SEMA3A: variants seen among roughly 807,000 people sequenced by gnomAD.
SEMA3A encodes semaphorin 3A.
Under a neutral mutation model 97.9 loss-of-function variants are expected in SEMA3A, and 29 were observed. The ratio of observed to expected loss-of-function variants is 0.30; its 90% CI spans 0.22 to 0.40. The LOEUF (loss-of-function observed/expected upper bound fraction) is 0.40. Ranked by LOEUF, SEMA3A falls within the 10% of genes least tolerant of loss-of-function variation. SEMA3A has a pLI of 1.00. For synonymous variants in SEMA3A, 321 were observed against 323.7 expected, an observed-to-expected ratio of 0.99 and a Z score of 0.09; for missense variants, 763 against 951.3, an observed-to-expected ratio of 0.80 and a Z score of 2.60.
intron 1 of SEMA3A, among the ~76,000 whole-genome samples, chr7:84,382,646 C>T (rs1803293274): frequency 7.3e-6 from 1 of 137,116 alleles, no homozygotes; most frequent in Non-Finnish European, 1.5e-5. Context: ...ATCATGAGGT[C>T]AGGAGATCGA....
intron 3 of SEMA3A, among the ~76,000 whole-genome samples, chr7:84,298,284 T>C (rs1425964711): frequency 2.0e-5 from 3 of 152,158 alleles, no homozygotes; most frequent in Admixed American, 2.0e-4. Context: ...ATAATATGAA[T>C]TCTAATGAAA....
intron 11 of SEMA3A, 77 bp from the exon 12 acceptor site, chr7:84,002,123 A>G (rs1790479799): frequency 2.5e-6 from 2 of 815,288 alleles, no homozygotes; most frequent in East Asian, 5.3e-5. Flanking sequence ...TGAAATATGT[A>G]TTTGTCAGAC....
chr7:84,453,904 C>A (rs1426635976), intron 1 of SEMA3A, among the ~76,000 whole-genome samples: 1 of 151,910 alleles, frequency 6.6e-6, no homozygotes, highest in African/African-American at 2.4e-5. Context: ...GAAAGTAATA[C>A]CTAAACTTAT....
chr7:84,150,709 T>A (rs868547507), intron 1 of SEMA3A, among the ~76,000 whole-genome samples: 46 of 152,000 alleles, frequency 3.0e-4, no homozygotes, highest in African/African-American at 9.7e-4. Context: ...ACAAAGCAGC[T>A]GGGAAGCTGG....
Position 84,313,415 on chromosome 7 carries a change from G to T in SEMA3A, c.-168-6123C>A, listed in dbSNP as rs113010185. ...ATATATATATATATATAAACTATAC[G>T]TGACTCCTGATAAGAGAGTCTTTCT... On this transcript the variant is annotated intron_variant, in intron 2 of 3. Coordinates refer to the SEMA3A transcript ENST00000424555. Among the ~76,000 whole-genome samples, 4 of 128,706 alleles carry T rather than the reference G, an allele frequency of 3.1e-5. 1 individual carries two copies. The highest frequency in any genetic ancestry group is 1.2e-4 in the African/African-American group (4 of 33,254). 84.4% of individuals were successfully genotyped at this position (128,706 alleles called of 152,430 possible).
intron 4 of SEMA3A, among the ~76,000 whole-genome samples, chr7:84,095,340 T>TTATATGTATATAATGCA (rs1794732704): frequency 1.5e-5 from 2 of 133,554 alleles, no homozygotes; most frequent in African/African-American, 3.0e-5. Context: ...ATTATATATA[T>TTATATGTATATAATGCA]TTTATATTTT....
intron 6 of SEMA3A, among the ~76,000 whole-genome samples, chr7:84,034,279 T>C (rs1791866481): frequency 6.6e-6 from 1 of 152,188 alleles, no homozygotes; most frequent in African/African-American, 2.4e-5. Context: ...CCACTGCGCC[T>C]GGCCTGGTAT....
At chr7:83,994,294 C>G (rs1584519682) in intron 12 of SEMA3A, among the ~76,000 whole-genome samples, 1 of 111,800 alleles carries the variant, frequency 8.9e-6, no homozygotes, top group Admixed American at 1.0e-4. Context: ...ATTTGATCGT[C>G]TGAAGCCTTC....
intron 1 of SEMA3A, among the ~76,000 whole-genome samples, chr7:84,176,369 G>T (rs905121421): frequency 1.3e-5 from 2 of 152,112 alleles, no homozygotes; most frequent in African/African-American, 4.8e-5. Flanking sequence ...TTTCTATTGG[G>T]ATTTCTCCCA....
At chr7:84,117,665 G>A (rs1293587667) in intron 3 of SEMA3A, among the ~76,000 whole-genome samples, 11 of 152,186 alleles carry the variant, frequency 7.2e-5, no homozygotes, top group Non-Finnish European at 1.6e-4. Flanking sequence ...ATGATCTTTG[G>A]TGGAACAGTT....
intron 1 of SEMA3A, among the ~76,000 whole-genome samples, chr7:84,462,914 C>G (rs1584342492): frequency 6.6e-6 from 1 of 152,148 alleles, no homozygotes; most frequent in African/African-American, 2.4e-5. Flanking sequence ...CAGGGAGAAA[C>G]ATGTCTGAGT....
intron 2 of SEMA3A, among the ~76,000 whole-genome samples, chr7:84,132,295 T>C (rs1175956398): frequency 1.3e-5 from 2 of 152,228 alleles, no homozygotes; most frequent in Non-Finnish European, 2.9e-5. Context: ...ACAAATCATT[T>C]ACCTTGTAAT....
At chr7:84,254,370 G>T (rs530010516) in intron 3 of SEMA3A, among the ~76,000 whole-genome samples, 44 of 152,306 alleles carry the variant, frequency 2.9e-4, no homozygotes, top group Admixed American at 1.0e-3. Flanking sequence ...CTTGAGTTGG[G>T]TTGCTAAAGT....
At chr7:84,052,065 T>C (rs1792686809) in intron 5 of SEMA3A, among the ~76,000 whole-genome samples, 1 of 152,164 alleles carries the variant, frequency 6.6e-6, no homozygotes, top group Non-Finnish European at 1.5e-5. Context: ...TGAAGCCCAC[T>C]TGATCATGGC....
At chr7:84,035,940 G>A (rs1386671499) in intron 6 of SEMA3A, among the ~76,000 whole-genome samples, 1 of 151,990 alleles carries the variant, frequency 6.6e-6, no homozygotes, top group African/African-American at 2.4e-5. Context: ...GGTTCCAACT[G>A]ATTCCCGTCC....
chr7:84,249,501 G>C lies in SEMA3A; in HGVS notation c.-82-54833C>G, dbSNP rs543840666. Among the ~76,000 whole-genome samples, 4 of 151,828 alleles carry C rather than the reference G, an allele frequency of 2.6e-5. No individual in the cohort carries two copies. In the South Asian group the frequency reaches 8.3e-4, roughly 32 times the overall value. Reference sequence around the variant, plus strand: ...TAAAATAAACACATCTGGCTTTCCTGTTCCCCATGGTGATGGGTTAAGATA... The same window carrying C: ...TAAAATAAACACATCTGGCTTTCCTCTTCCCCATGGTGATGGGTTAAGATA... On this transcript the variant is annotated intron_variant, in intron 3 of 3. Transcript: ENST00000424555.
At chr7:84,192,940 T>C (rs1798095314) in intron 1 of SEMA3A, among the ~76,000 whole-genome samples, 1 of 152,032 alleles carries the variant, frequency 6.6e-6, no homozygotes, top group South Asian at 2.1e-4. Context: ...TGATGTCACC[T>C]TGTCAAGGAG....
At chr7:84,306,384 AT>A (rs1283163314) in intron 3 of SEMA3A, 1 of 152,060 alleles carries the variant, frequency 6.6e-6, no homozygotes, top group African/African-American at 2.4e-5. Flanking sequence ...TGACAAATGA[AT>A]TTTATTCTAC....
chr7:84,359,868 A>G (rs1802666525), intron 2 of SEMA3A, among the ~76,000 whole-genome samples: 1 of 151,802 alleles, frequency 6.6e-6, no homozygotes, highest in South Asian at 2.1e-4. Flanking sequence ...TAGTCTTGGG[A>G]GGGTGTATGT....
Sources: gnomAD v4.1 joint callset for allele counts (sites outside exome capture counted in the v4.1 genomes callset) on GRCh38, gnomAD v4.1.1 for gene constraint, MANE v1.5 for transcripts, NCBI Gene and HGNC (gene_info 2026-07-23, HGNC 2026-07-21) for gene names.